Variants in TPST1 observed in about 807,000 individuals in gnomAD.
The protein encoded by TPST1 is protein-tyrosine sulfotransferase 1.
In TPST1, 20 loss-of-function variants were observed where a neutral mutation model predicts 34.8. That is an observed-to-expected ratio of 0.57 (90% confidence interval 0.40 to 0.84). TPST1 has a LOEUF of 0.84. TPST1 is among the 40% of genes least tolerant of loss of function. The pLI is 0.00. For missense variants in TPST1, 353 were observed against 455.5 expected, an observed-to-expected ratio of 0.78 and a Z score of 2.05; for synonymous variants, 152 against 159.4, an observed-to-expected ratio of 0.95 and a Z score of 0.35.
chr7:66,324,094 C>T (rs542988854), intron 3 of TPST1, among the ~76,000 whole-genome samples: 2 of 152,186 alleles, frequency 1.3e-5, no homozygotes, highest in Non-Finnish European at 2.9e-5. Flanking sequence ...AATTCTGATA[C>T]ATGCTACAAT....
the TPST1 span, among the ~76,000 whole-genome samples, chr7:66,200,316 T>C: frequency 1.3e-5 from 2 of 152,130 alleles, no homozygotes; most frequent in African/African-American, 4.8e-5. Flanking sequence ...TCTCCTCTTC[T>C]GGGCTCTGCC....
intron 3 of TPST1, among the ~76,000 whole-genome samples, chr7:66,340,950 GCA>G (rs1230987430): frequency 1.3e-5 from 2 of 152,172 alleles, no homozygotes; most frequent in African/African-American, 4.8e-5. Context: ...GGCAGAGGGT[GCA>G]CCAAGCCGAG....
In TPST1 at chr7:66,272,704, A is replaced by T. The variant is rs1790729168; in HGVS notation, c.846-13807A>T. On this transcript the variant is annotated intron_variant, in intron 2 of 5. Transcript: ENST00000304842. The stretch of plus-strand genomic sequence containing the variant: ...CGGGCTCAAGCAATCCTTCCACCTC[A>T]GCCTCCCAAGTAGCTGGGACTACAG... Among the ~76,000 whole-genome samples, 2 of 151,420 alleles carry T rather than the reference A, an allele frequency of 1.3e-5. 1 individual carries two copies. The highest frequency in any genetic ancestry group is 6.8e-3 in the Middle Eastern group (2 of 292).
intron 3 of TPST1, among the ~76,000 whole-genome samples, chr7:66,342,890 T>C (rs1018588462): frequency 1.3e-5 from 2 of 152,082 alleles, no homozygotes; most frequent in Admixed American, 6.5e-5. Flanking sequence ...CCTTCAACAC[T>C]GGGAATCACA....
chr7:66,312,706 G>A (rs1471444055), intron 3 of TPST1, among the ~76,000 whole-genome samples: 1 of 152,118 alleles, frequency 6.6e-6, no homozygotes, highest in Admixed American at 6.5e-5. Flanking sequence ...ATTACCCAAA[G>A]ATTACTGTAG....
intron 3 of TPST1, among the ~76,000 whole-genome samples, chr7:66,329,285 C>T (rs1009787721): frequency 6.6e-6 from 1 of 152,036 alleles, no homozygotes; most frequent in Non-Finnish European, 1.5e-5. Flanking sequence ...TGTGTTGAAA[C>T]TATCTTCCTG....
chr7:66,297,890 T>C (rs1791234346), intron 3 of TPST1, among the ~76,000 whole-genome samples: 2 of 152,222 alleles, frequency 1.3e-5, no homozygotes, highest in South Asian at 2.1e-4. Context: ...ATTCACCCAG[T>C]TACCCAAATT....
rs35051150 is a variant in TPST1, at chr7:66,246,179, ATTTTTTTTTTTTTTTTT to A, written c.845+4922_845+4938del. The stretch of plus-strand genomic sequence containing the variant: ...AGGTGCATGCCATCATGCCTGGCTA[ATTTTTTTTTTTTTTTTT>A]TTTTTTTTTTTTGGTGGAGACAGGG... On this transcript the variant is annotated intron_variant, in intron 2 of 5. Transcript: ENST00000304842. Among the ~76,000 whole-genome samples, 4 of 92,384 alleles carry A rather than the reference ATTTTTTTTTTTTTTTTT, an allele frequency of 4.3e-5. No individual in the cohort carries two copies. The Admixed American group carries it at 5.6e-4, about 13-fold the overall frequency. The allele number at this position is 92,384 out of a possible 152,430, so 60.6% of individuals were successfully genotyped here. A position where few individuals can be genotyped will look rare whatever the true frequency, so the allele number is the denominator to read the frequency against.
intron 3 of TPST1, among the ~76,000 whole-genome samples, chr7:66,298,602 T>G (rs1009506778): frequency 3.9e-5 from 6 of 152,238 alleles, no homozygotes; most frequent in Admixed American, 1.3e-4. Flanking sequence ...TTAATGTAAT[T>G]ATTCATCTGA....
chr7:66,268,763 A>G (rs1316405986), intron 2 of TPST1, among the ~76,000 whole-genome samples: 1 of 151,776 alleles, frequency 6.6e-6, no homozygotes, highest in Non-Finnish European at 1.5e-5. Context: ...TGCCTGGCTC[A>G]CTGCAACCTC....
intron 2 of TPST1, among the ~76,000 whole-genome samples, chr7:66,263,792 G>A (rs1049302304): frequency 3.9e-5 from 6 of 152,070 alleles, no homozygotes; most frequent in African/African-American, 9.7e-5. Flanking sequence ...CAGCAAAAGC[G>A]GCACAGTAAA....
At position 66,224,901 on chromosome 7, in the gene TPST1, CTTTTTTTTTTTTT is replaced by C. The variant is rs780952403; in HGVS notation, c.-101-15405_-101-15393del. 3.9e-3 allele frequency among the ~76,000 whole-genome samples: 164 copies of C among 42,418 alleles called. 1 individual carries two copies. The highest frequency in any genetic ancestry group is 0.014 in the African/African-American group (134 of 9,286). The allele number at this position is 42,418 out of a possible 152,430, so 27.8% of individuals were successfully genotyped here. A position where few individuals can be genotyped will look rare whatever the true frequency, so the allele number is the denominator to read the frequency against. On this transcript the variant is annotated intron_variant, in intron 1 of 5. Coordinates refer to ENST00000304842, the MANE Select transcript of TPST1 (RefSeq NM_003596.4). ...AACTGAGCCTGAACATTCTGGTATT[CTTTTTTTTTTTTT>C]TTTTTTTTTTTTTTTTTTGTGAGAT...
chr7:66,340,912 G>A (rs1792224306), intron 3 of TPST1, among the ~76,000 whole-genome samples: 1 of 152,184 alleles, frequency 6.6e-6, no homozygotes, highest in Non-Finnish European at 1.5e-5. Flanking sequence ...TCAGGAGGCT[G>A]AGGCAGGAGA....
intron 5 of TPST1, chr7:66,359,117 G>C (rs1792639313): frequency 6.7e-6 from 1 of 149,854 alleles, no homozygotes; most frequent in Non-Finnish European, 1.5e-5. Context: ...GCTGACCCCT[G>C]GACACTTAAA....
At chr7:66,358,408 C>A (rs1459508895) in intron 5 of TPST1, among the ~76,000 whole-genome samples, 1 of 149,508 alleles carries the variant, frequency 6.7e-6, no homozygotes, top group Admixed American at 6.7e-5. Flanking sequence ...CATAAAATAC[C>A]AAGGATTTTA....
At chr7:66,237,514 G>A (rs1789934856) in intron 1 of TPST1, among the ~76,000 whole-genome samples, 1 of 152,096 alleles carries the variant, frequency 6.6e-6, no homozygotes, top group African/African-American at 2.4e-5. Context: ...ATTTTTTAGT[G>A]TAGTTAGTCA....
chr7:66,263,832 G>C (rs533681159), intron 2 of TPST1, among the ~76,000 whole-genome samples: 1 of 152,236 alleles, frequency 6.6e-6, no homozygotes, highest in Non-Finnish European at 1.5e-5. Flanking sequence ...TTCCATAAGA[G>C]CGACAGAAGA....
At chr7:66,252,600 T>C (rs998130606) in intron 2 of TPST1, among the ~76,000 whole-genome samples, 1 of 152,150 alleles carries the variant, frequency 6.6e-6, no homozygotes, top group Admixed American at 6.5e-5. Flanking sequence ...CCCAAAGTGC[T>C]GGGATTACAG....
chr7:66,268,248 C>T (rs985765297), intron 2 of TPST1, among the ~76,000 whole-genome samples: 4 of 152,178 alleles, frequency 2.6e-5, no homozygotes, highest in South Asian at 2.1e-4. Flanking sequence ...CCACTGCACC[C>T]GGCCAAGGTG....
Sources: gnomAD v4.1 joint callset for allele counts (sites outside exome capture counted in the v4.1 genomes callset) on GRCh38, gnomAD v4.1.1 for gene constraint, MANE v1.5 for transcripts, NCBI Gene and HGNC (gene_info 2026-07-23, HGNC 2026-07-21) for gene names.